ABL2: variants seen among roughly 807,000 people sequenced by gnomAD.
ABL2 encodes the protein ABL proto-oncogene 2, non-receptor tyrosine kinase.
ABL2 carries 49 observed loss-of-function variants against 107.7 expected under a neutral mutation model. That is an observed-to-expected ratio of 0.45 (90% CI 0.36 to 0.58). The LOEUF is 0.58. Among genes scored for constraint, ABL2 ranks in the 20% least tolerant of loss-of-function variants. The pLI is 0.00. For missense variants in ABL2, 1,245 were observed against 1,457.0 expected, an observed-to-expected ratio of 0.85 and a Z score of 2.37; for synonymous variants, 549 against 548.6, an observed-to-expected ratio of 1.00 and a Z score of -0.01.
intron 1 of ABL2, among the ~76,000 whole-genome samples, chr1:179,174,739 G>C (rs1659935626): frequency 6.6e-6 from 1 of 151,068 alleles, no homozygotes; most frequent in South Asian, 2.1e-4. Context: ...TTGAGGTCAG[G>C]AGTTTGAGAC....
chr1:179,195,560 C>A (rs1661261604), intron 1 of ABL2, among the ~76,000 whole-genome samples: 1 of 152,142 alleles, frequency 6.6e-6, no homozygotes, highest in African/African-American at 2.4e-5. Context: ...AAAGCAGGAA[C>A]TCAGATATAC....
rs193057222 is a variant in ABL2 at position 179,198,064 on chromosome 1, T to C, written c.157+31177A>G. On this transcript the variant is annotated intron_variant, in intron 1 of 11. Transcript: ENST00000502732. ...GGCACACGTCTATAGTCCCGGCTAC[T>C]TGACAGGCTGAAGTGCGACGGTCCC... Among the ~76,000 whole-genome samples the C allele has an allele frequency of 4.9e-3, 739 of 151,126 alleles. 5 individuals carry two copies. The highest frequency in any genetic ancestry group is 0.017 in the African/African-American group (690 of 41,086).
intron 9 of ABL2, among the ~76,000 whole-genome samples, chr1:179,113,308 A>C (rs1654286707): frequency 6.6e-6 from 1 of 152,198 alleles, no homozygotes; most frequent in South Asian, 2.1e-4. Context: ...TGTTTTAGAA[A>C]ATGGCAAGTT....
chr1:179,161,663 A>G (rs1189674328), intron 1 of ABL2, among the ~76,000 whole-genome samples: 1 of 152,174 alleles, frequency 6.6e-6, no homozygotes, highest in East Asian at 1.9e-4. Flanking sequence ...GTCAGCTGAG[A>G]CTGTGCTAAT....
chr1:179,197,576 T>TA (rs1275022737), intron 1 of ABL2, among the ~76,000 whole-genome samples: 36 of 140,212 alleles, frequency 2.6e-4, no homozygotes, highest in Non-Finnish European at 3.4e-4. Flanking sequence ...AAAAAAAAAT[T>TA]AAAAAAAAAA....
intron 5 of ABL2, 116 bp downstream of exon 5, chr1:179,121,479 G>A (rs1655189927): frequency 7.5e-7 from 1 of 1,336,114 alleles, no homozygotes; most frequent in Admixed American, 2.0e-5. Flanking sequence ...TTGCTGATGT[G>A]CTTGGCACTA....
chr1:179,196,764 A>AAAAC (rs1661330254), intron 1 of ABL2, among the ~76,000 whole-genome samples: 2 of 151,192 alleles, frequency 1.3e-5, no homozygotes, highest in Admixed American at 1.3e-4. Context: ...TCAGTCTTAA[A>AAAAC]AAACAAACAA....
intron 1 of ABL2, among the ~76,000 whole-genome samples, chr1:179,163,727 A>G (rs1226424842): frequency 2.0e-5 from 3 of 152,240 alleles, no homozygotes; most frequent in Non-Finnish European, 2.9e-5. Flanking sequence ...AGTCTGGATG[A>G]CAGAGTGAGA....
intron 2 of ABL2, 77 bp from the exon 3 acceptor site, chr1:179,131,558 A>G (rs764854005): frequency 1.4e-4 from 205 of 1,452,920 alleles, no homozygotes; most frequent in Non-Finnish European, 1.9e-4. Flanking sequence ...TTATATACAC[A>G]GTATTTCAGC....
At chr1:179,157,090 G>A (rs1658744265) in intron 1 of ABL2, among the ~76,000 whole-genome samples, 1 of 152,070 alleles carries the variant, frequency 6.6e-6, no homozygotes, top group African/African-American at 2.4e-5. Flanking sequence ...ACCAATACAG[G>A]TTGAGTATTC....
chr1:179,205,683 C>T (rs79132767), intron 1 of ABL2, among the ~76,000 whole-genome samples: 3,902 of 152,288 alleles, frequency 0.026, 130 homozygotes, highest in Admixed American at 0.065. Context: ...AAGTGACAAA[C>T]TTTGGATGTG....
In ABL2 at chr1:179,107,809, G is replaced by A. The variant is rs143405311; in HGVS notation, c.3458C>T (p.Ser1153Phe). The A allele has an allele frequency of 2.5e-6, 4 of 1,614,100 alleles. No homozygotes were observed. Among genetic ancestry groups the A allele is most frequent in the East Asian group, 2.2e-5 (1 of 44,896 alleles). ...CCCGGGCACACCAGCAGCTGCTGAA[G>A]AAACCTGTAGCTCCTGCAGGCTGAG... ...LELSLQELQV[S>F]SAAAGVPGTN... Residue 1153 changes from serine to phenylalanine, a missense_variant, in exon 12 of 12, where the codon TCT becomes TTT. Physicochemically the swap from Ser to Phe is radical, Grantham distance 155. Transcript: ENST00000502732.
At position 179,190,398 on chromosome 1, in the gene ABL2, G is replaced by A. The variant is rs371530955; in HGVS notation, c.157+38843C>T. Among the ~76,000 whole-genome samples, 28 of 152,252 alleles carry A rather than the reference G, an allele frequency of 1.8e-4. No individual in the cohort carries two copies. The South Asian group carries it at 5.4e-3, about 29-fold the overall frequency. The stretch of plus-strand genomic sequence containing the variant: ...ACAACCAAATAAAAAGATACACAGA[G>A]CAAGGTGTGGGAGAAGAGGGGCTGA... On this transcript the variant is annotated intron_variant, in intron 1 of 11. Transcript: ENST00000502732.
chr1:179,185,134 A>T (rs776034610), intron 1 of ABL2, among the ~76,000 whole-genome samples: 23 of 152,208 alleles, frequency 1.5e-4, no homozygotes, highest in Non-Finnish European at 2.5e-4. Flanking sequence ...ATTTACCAAT[A>T]TGCATCTGTC....
intron 1 of ABL2, among the ~76,000 whole-genome samples, chr1:179,151,802 A>AC (rs1387223496): frequency 6.6e-6 from 1 of 152,204 alleles, no homozygotes; most frequent in Admixed American, 6.5e-5. Flanking sequence ...AAAATTCTTT[A>AC]CCGTAGCATT....
chr1:179,180,170 T>C (rs957753185), intron 1 of ABL2, among the ~76,000 whole-genome samples: 1 of 151,808 alleles, frequency 6.6e-6, no homozygotes, highest in Non-Finnish European at 1.5e-5. Flanking sequence ...ACCTACTGTA[T>C]GCCAAGGACA....
In ABL2 at chr1:179,107,597, A is replaced by G; in HGVS notation, c.*121T>C. The stretch of plus-strand genomic sequence containing the variant: ...ACGTGAGAACTCAGGGATCTGAGGT[A>G]CTTCACATAAACACACTCAAGTATG... On this transcript the variant is annotated 3_prime_UTR_variant, in exon 12 of 12. Transcript: ENST00000502732. 1 of 1,490,382 alleles carries G rather than the reference A, an allele frequency of 6.7e-7. No homozygotes were observed. Among genetic ancestry groups the G allele is most frequent in the East Asian group, 2.3e-5 (1 of 43,636 alleles). The allele number at this position is 1,490,382 out of a possible 1,614,324, so 92.3% of individuals were successfully genotyped here.
chr1:179,213,361 T>A (rs1662394122), intron 1 of ABL2, among the ~76,000 whole-genome samples: 2 of 151,988 alleles, frequency 1.3e-5, no homozygotes, highest in Admixed American at 1.3e-4. Flanking sequence ...GAGAACAGAG[T>A]CTTGCTATGT....
At chr1:179,184,851 T>C (rs1015574025) in intron 1 of ABL2, among the ~76,000 whole-genome samples, 1 of 152,122 alleles carries the variant, frequency 6.6e-6, no homozygotes, top group Admixed American at 6.6e-5. Flanking sequence ...GGGAGGTAAA[T>C]ACCTTGAGCA....
Sources: gnomAD v4.1 joint callset for allele counts (sites outside exome capture counted in the v4.1 genomes callset) on GRCh38, gnomAD v4.1.1 for gene constraint, MANE v1.5 for transcripts, NCBI Gene and HGNC (gene_info 2026-07-23, HGNC 2026-07-21) for gene names.